The following SPPL2A variants were observed in gnomAD, a reference collection of about 807,000 sequenced individuals.
SPPL2A encodes signal peptide peptidase-like 2A.
A neutral mutation model predicts 63.8 loss-of-function variants in SPPL2A; 51 were observed. The observed-to-expected ratio is 0.80, with a 90% confidence interval of 0.64 to 1.01. The LOEUF (loss-of-function observed/expected upper bound fraction) is 1.01. Among genes scored for constraint, SPPL2A ranks in the 50% least tolerant of loss-of-function variants. SPPL2A has a pLI of 0.00. For synonymous variants in SPPL2A, 188 were observed against 205.8 expected, an observed-to-expected ratio of 0.91 and a Z score of 0.74; for missense variants, 553 against 622.7, an observed-to-expected ratio of 0.89 and a Z score of 1.19.
chr15:50,751,181 G>A (rs917624141), intron 1 of SPPL2A, among the ~76,000 whole-genome samples: 3 of 152,210 alleles, frequency 2.0e-5, no homozygotes, highest in Non-Finnish European at 4.4e-5. Flanking sequence ...ATGTGAAAAA[G>A]AGAAATGTAG....
intron 14 of SPPL2A, among the ~76,000 whole-genome samples, chr15:50,717,642 C>A (rs1044136796): frequency 4.6e-5 from 7 of 152,180 alleles, no homozygotes; most frequent in African/African-American, 1.4e-4. Context: ...CTCCAGCTTT[C>A]ATTTCCTGTA....
At chr15:50,758,774 A>T (rs80239476) in intron 1 of SPPL2A, among the ~76,000 whole-genome samples, 13 of 149,646 alleles carry the variant, frequency 8.7e-5, no homozygotes, top group African/African-American at 3.2e-4. Context: ...CTTAAAAAAA[A>T]TTTTTACTAT....
At chr15:50,736,762 A>ATTAC (rs762361189) in intron 6 of SPPL2A, 22 bp from the exon 7 acceptor site, 3 of 1,178,382 alleles carry the variant, frequency 2.5e-6, no homozygotes, top group Non-Finnish European at 2.5e-6. Flanking sequence ...AAAACACTAA[A>ATTAC]TTACATGAGA....
chr15:50,762,902 T>C (rs971990083), intron 1 of SPPL2A, among the ~76,000 whole-genome samples: 2 of 149,804 alleles, frequency 1.3e-5, no homozygotes, highest in African/African-American at 2.5e-5. Context: ...CCGGCTAATT[T>C]TTTTTTTTTT....
chr15:50,713,766 T>A (rs1276324591), intron 14 of SPPL2A, among the ~76,000 whole-genome samples: 1 of 152,134 alleles, frequency 6.6e-6, no homozygotes, highest in African/African-American at 2.4e-5. Flanking sequence ...ACCCAAAGTT[T>A]TCATATCCAG....
intron 1 of SPPL2A, among the ~76,000 whole-genome samples, chr15:50,760,041 G>T (rs1222818627): frequency 1.3e-5 from 2 of 152,136 alleles, no homozygotes; most frequent in Non-Finnish European, 2.9e-5. Context: ...GTTAAAAGGA[G>T]GAAATGTAAT....
intron 12 of SPPL2A, among the ~76,000 whole-genome samples, chr15:50,722,757 G>A (rs907416156): frequency 2.6e-5 from 4 of 152,210 alleles, no homozygotes; most frequent in Middle Eastern, 3.4e-3. Context: ...GCCCAGCCAT[G>A]AAGAAAACTT....
intron 13 of SPPL2A, among the ~76,000 whole-genome samples, chr15:50,721,607 ATTT>A (rs34462255): frequency 7.0e-6 from 1 of 143,182 alleles, no homozygotes; most frequent in Non-Finnish European, 1.5e-5. Flanking sequence ...TACAAAAATA[ATTT>A]TTTTTTTTTT....
chr15:50,758,220 CG>C (rs1272052200), intron 1 of SPPL2A, among the ~76,000 whole-genome samples: 1 of 128,520 alleles, frequency 7.8e-6, no homozygotes, highest in Non-Finnish European at 1.6e-5. Context: ...ACCTGGGAGG[CG>C]GAGCTTGCAG....
intron 2 of SPPL2A, among the ~76,000 whole-genome samples, chr15:50,749,410 C>G (rs1472694233): frequency 2.6e-5 from 4 of 152,138 alleles, no homozygotes; most frequent in Non-Finnish European, 5.9e-5. Flanking sequence ...GCCTCAGCCT[C>G]CTGAGTAGCT....
intron 1 of SPPL2A, among the ~76,000 whole-genome samples, chr15:50,758,391 G>C (rs149363996): frequency 9.3e-5 from 14 of 151,150 alleles, no homozygotes; most frequent in African/African-American, 3.4e-4. Context: ...AGAGTGCAGT[G>C]GCGTGATCTA....
intron 14 of SPPL2A, among the ~76,000 whole-genome samples, chr15:50,713,555 G>A (rs1008244852): frequency 1.3e-4 from 20 of 151,716 alleles, no homozygotes; most frequent in Middle Eastern, 3.4e-3. Flanking sequence ...GTGAGCCACC[G>A]CGCCCAGCAT....
Position 50,705,898 on chromosome 15 carries a change from C to A in SPPL2A, c.*1902G>T, listed in dbSNP as rs2062504234. On this transcript the variant is annotated 3_prime_UTR_variant, in exon 15 of 15. Coordinates refer to ENST00000261854, the MANE Select transcript of SPPL2A (RefSeq NM_032802.4). ...CATTATTTACAGAGAAATGAAAAAT[C>A]CTGCTGCCTTTGTTATCACTTGTCA... 6.6e-6 allele frequency: 1 copy of A among 152,116 alleles called. No individual in the cohort carries two copies. Among genetic ancestry groups the A allele is most frequent in the Non-Finnish European group, 1.5e-5 (1 of 68,018 alleles). The allele number at this position is 152,116 out of a possible 1,614,324, so 9.4% of individuals were successfully genotyped here.
intron 11 of SPPL2A, chr15:50,726,115 G>A: frequency 6.6e-7 from 1 of 1,513,720 alleles, no homozygotes; most frequent in Non-Finnish European, 8.8e-7. Flanking sequence ...CTTCCACCAA[G>A]TTTCCATCAT....
chr15:50,735,381 CTCTCTCTCTT>C (rs2062762000), intron 8 of SPPL2A, among the ~76,000 whole-genome samples: 2 of 151,980 alleles, frequency 1.3e-5, no homozygotes, highest in Admixed American at 1.3e-4. Flanking sequence ...TTTCTGCACT[CTCTCTCTCTT>C]TCTCTCTCTC....
chr15:50,743,629 G>A (rs1306260768), intron 5 of SPPL2A, among the ~76,000 whole-genome samples: 1 of 151,978 alleles, frequency 6.6e-6, no homozygotes, highest in African/African-American at 2.4e-5. Context: ...TTACAAGTGT[G>A]AGCCACCACG....
intron 1 of SPPL2A, among the ~76,000 whole-genome samples, chr15:50,752,880 A>C (rs1322892302): frequency 2.0e-5 from 3 of 152,270 alleles, no homozygotes; most frequent in Non-Finnish European, 4.4e-5. Flanking sequence ...CCAGATCAGG[A>C]TCTGGGTCTT....
rs958654014 is a variant in SPPL2A, at chr15:50,703,752, C to G, written c.*4048G>C. The G allele has an allele frequency of 6.6e-6, 1 of 151,962 alleles. No homozygotes were observed. Among genetic ancestry groups the G allele is most frequent in the Non-Finnish European group, 1.5e-5 (1 of 68,012 alleles). The allele number at this position is 151,962 out of a possible 1,614,324, so 9.4% of individuals were successfully genotyped here. On this transcript the variant is annotated 3_prime_UTR_variant, in exon 15 of 15. Coordinates refer to ENST00000261854, the MANE Select transcript of SPPL2A (RefSeq NM_032802.4). ...AATGGATACCCCATTCTCCATGATC[C>G]GCTTATTTCACATTGCATACCTGTA...
At chr15:50,763,892 C>A (rs1230366699) in intron 1 of SPPL2A, among the ~76,000 whole-genome samples, 1 of 151,796 alleles carries the variant, frequency 6.6e-6, no homozygotes, top group Non-Finnish European at 1.5e-5. Flanking sequence ...AGTGAGACTC[C>A]GTCTCGAAAA....
Sources: gnomAD v4.1 joint callset for allele counts (sites outside exome capture counted in the v4.1 genomes callset) on GRCh38, gnomAD v4.1.1 for gene constraint, MANE v1.5 for transcripts, NCBI Gene and HGNC (gene_info 2026-07-23, HGNC 2026-07-21) for gene names.